The following CRISPLD2 variants were observed in gnomAD, a reference collection of about 807,000 sequenced individuals.
The protein encoded by CRISPLD2 is cysteine-rich secretory protein LCCL domain-containing 2.
A neutral mutation model predicts 71.1 loss-of-function variants in CRISPLD2; 47 were observed. The ratio of observed to expected loss-of-function variants is 0.66; its 90% CI spans 0.52 to 0.84. The LOEUF (loss-of-function observed/expected upper bound fraction) is 0.84, where lower values mean the gene tolerates loss of function less well. Ranked by LOEUF, CRISPLD2 falls within the 40% of genes least tolerant of loss-of-function variation. CRISPLD2 has a pLI of 0.00. For synonymous variants in CRISPLD2, 317 were observed against 250.1 expected (o/e 1.27, Z -2.52); for missense variants, 830 against 651.1 (o/e 1.27, Z -2.99).
rs138501094 is a variant in CRISPLD2 at position 84,907,208 on chromosome 16, C to T, written c.*566C>T. The T allele has an allele frequency of 9.6e-3, 1,580 of 165,316 alleles. 13 individuals carry two copies. Among genetic ancestry groups the T allele is most frequent in the Non-Finnish European group, 0.015 (1,183 of 76,534 alleles). The allele number at this position is 165,316 out of a possible 1,614,324, so 10.2% of individuals were successfully genotyped here. A position where few individuals can be genotyped will look rare whatever the true frequency, so the allele number is the denominator to read the frequency against. On this transcript the variant is annotated 3_prime_UTR_variant, in exon 15 of 15. Transcript: ENST00000262424. ...CAAATGGGCTAGAGTAAGAGGGCTGCGGGTATGAGAGACCCCGGCTCCGCC... is the reference window on the plus strand; with the variant it reads ...CAAATGGGCTAGAGTAAGAGGGCTGTGGGTATGAGAGACCCCGGCTCCGCC...
chr16:84,890,625 G>C (rs1248481370), intron 14 of CRISPLD2, among the ~76,000 whole-genome samples: 2 of 152,000 alleles, frequency 1.3e-5, no homozygotes, highest in African/African-American at 4.8e-5. Flanking sequence ...AAGTGGGCCG[G>C]GTGTGATGAC....
At chr16:84,824,017 GGGAGCTGGCAT>G (rs967884569) in intron 1 of CRISPLD2, among the ~76,000 whole-genome samples, 4 of 152,200 alleles carry the variant, frequency 2.6e-5, no homozygotes, top group African/African-American at 9.7e-5. Flanking sequence ...TCTAAGGACT[GGGAGCTGGCAT>G]GGAGCTGGCA....
chr16:84,900,077 C>G (rs2071740200), intron 14 of CRISPLD2, among the ~76,000 whole-genome samples: 1 of 152,108 alleles, frequency 6.6e-6, no homozygotes. Flanking sequence ...ACCCCAGCCC[C>G]TGGCCACTCT....
In CRISPLD2 at chr16:84,854,799, G is replaced by A. The variant is rs769352678; in HGVS notation, c.679G>A (p.Gly227Ser). 3.1e-6 allele frequency: 5 copies of A among 1,614,116 alleles called. No homozygotes were observed. The Admixed American group carries it at 5.0e-5, about 16-fold the overall frequency. The part of the protein sequence containing the change: ...PCSECPPSYG[G>S]SCRNNLCYRE... ...CTCTGAGTGCCCACCCAGCTATGGA[G>A]GCAGCTGCAGGAACAACTTGTGTTA... The change falls in exon 6 of 15, where the codon GGC becomes AGC. Residue 227 changes from glycine to serine, a missense_variant. Gly to Ser is a moderately conservative substitution (Grantham distance 56). Transcript: ENST00000262424.
At chr16:84,861,124 A>T (rs1021504889) in intron 6 of CRISPLD2, among the ~76,000 whole-genome samples, 1 of 152,186 alleles carries the variant, frequency 6.6e-6, no homozygotes, top group Non-Finnish European at 1.5e-5. Flanking sequence ...CAAATAGCTC[A>T]TGCCAAGGAC....
intron 6 of CRISPLD2, among the ~76,000 whole-genome samples, chr16:84,863,526 G>C (rs2143259328): frequency 6.6e-6 from 1 of 152,364 alleles, no homozygotes; most frequent in South Asian, 2.1e-4. Flanking sequence ...GAAGGCGCAG[G>C]CTTTGGGGAA....
Position 84,842,562 on chromosome 16 carries a change from C to T in CRISPLD2, c.241-3224C>T, listed in dbSNP as rs529811017. Among the ~76,000 whole-genome samples, 7 of 151,422 alleles carry T rather than the reference C, an allele frequency of 4.6e-5. No individual in the cohort carries two copies. The East Asian group carries it at 5.8e-4, about 13-fold the overall frequency. On this transcript the variant is annotated intron_variant, in intron 2 of 14. Transcript: ENST00000262424. Reference sequence around the variant, plus strand: ...CTAATTTTTGTATTTCTGGTAGAGGCGGGGTTTCACCACGTTGGCCAGGCT... The same window carrying T: ...CTAATTTTTGTATTTCTGGTAGAGGTGGGGTTTCACCACGTTGGCCAGGCT...
In CRISPLD2 at chr16:84,825,679, C is replaced by G. The variant is rs552954583; in HGVS notation, c.-75+5546C>G. ...GCTGAGGGAGGAGAACCGCTTGAGC[C>G]TGGGAGGCAGAGGCTGCAGTGAGCC... On this transcript the variant is annotated intron_variant, in intron 1 of 14. Coordinates refer to ENST00000262424, the MANE Select transcript of CRISPLD2 (RefSeq NM_031476.4). Among the ~76,000 whole-genome samples the G allele has an allele frequency of 7.9e-5, 12 of 152,200 alleles. No homozygotes were observed. The East Asian group carries it at 2.3e-3, about 29-fold the overall frequency.
chr16:84,832,139 T>A (rs11866719), intron 1 of CRISPLD2, among the ~76,000 whole-genome samples: 3,610 of 152,390 alleles, frequency 0.024, 112 homozygotes, highest in African/African-American at 0.074. Flanking sequence ...TCCAGCCTTC[T>A]AAAATCCCTT....
intron 6 of CRISPLD2, among the ~76,000 whole-genome samples, chr16:84,865,703 A>C (rs1917517813): frequency 6.6e-6 from 1 of 152,214 alleles, no homozygotes; most frequent in African/African-American, 2.4e-5. Flanking sequence ...CCGCTCAGGC[A>C]AATGAAAATA....
At chr16:84,846,473 C>T (rs1327126044) in intron 3 of CRISPLD2, among the ~76,000 whole-genome samples, 3 of 152,050 alleles carry the variant, frequency 2.0e-5, no homozygotes, top group East Asian at 1.9e-4. Context: ...AGGGTGGTCT[C>T]GAACTCCTGG....
chr16:84,892,302 A>T (rs1002432394), intron 14 of CRISPLD2, among the ~76,000 whole-genome samples: 1 of 152,208 alleles, frequency 6.6e-6, no homozygotes, highest in Non-Finnish European at 1.5e-5. Context: ...CCTCGGGGGC[A>T]TCGTGCTGCA....
chr16:84,839,352 A>C (rs1916711647), intron 2 of CRISPLD2: 1 of 235,358 alleles, frequency 4.2e-6, no homozygotes, highest in Non-Finnish European at 8.5e-6. Flanking sequence ...GGCTTTGCTG[A>C]TGCTGATCTC....
rs780093987 is a variant in CRISPLD2 at position 84,868,963 on chromosome 16, G to A, written c.914+52G>A. 8.6e-6 allele frequency: 13 copies of A among 1,503,240 alleles called. No individual in the cohort carries two copies. In the South Asian group the frequency reaches 1.3e-4, roughly 15 times the overall value. The allele number at this position is 1,503,240 out of a possible 1,614,324, so 93.1% of individuals were successfully genotyped here. A position where few individuals can be genotyped will look rare whatever the true frequency, so the allele number is the denominator to read the frequency against. ...ACTGTAGCCTCTGAGTCTGTGCTGGGCTGTCCTACCACTGTGGCCTCTGGG... is the reference window on the plus strand; with the variant it reads ...ACTGTAGCCTCTGAGTCTGTGCTGGACTGTCCTACCACTGTGGCCTCTGGG... On this transcript the variant is annotated intron_variant, in intron 8 of 14. Transcript: ENST00000262424.
chr16:84,877,410 AC>A (rs746672164), intron 11 of CRISPLD2, 27 bp from the exon 12 acceptor site: 1 of 1,610,270 alleles, frequency 6.2e-7, no homozygotes, highest in South Asian at 1.1e-5. Context: ...CTGGGACCTG[AC>A]CCTTTCCCCC....
At chr16:84,892,591 A>G (rs1046088829) in intron 14 of CRISPLD2, among the ~76,000 whole-genome samples, 1 of 152,136 alleles carries the variant, frequency 6.6e-6, no homozygotes, top group Non-Finnish European at 1.5e-5. Context: ...AAATGGGCTT[A>G]TCCTGAGCCC....
chr16:84,896,275 G>C (rs371560638), intron 14 of CRISPLD2, among the ~76,000 whole-genome samples: 88 of 151,778 alleles, frequency 5.8e-4, no homozygotes, highest in Non-Finnish European at 1.8e-4. Context: ...TCTCGAATTC[G>C]TGACCTCAAG....
chr16:84,893,838 A>T (rs2071683169), intron 14 of CRISPLD2, among the ~76,000 whole-genome samples: 1 of 152,184 alleles, frequency 6.6e-6, no homozygotes, highest in South Asian at 2.1e-4. Flanking sequence ...CTTATTCCCA[A>T]TAGGGGCTGT....
intron 13 of CRISPLD2, among the ~76,000 whole-genome samples, chr16:84,886,968 T>G (rs1369691983): frequency 6.6e-6 from 1 of 152,244 alleles, no homozygotes; most frequent in Non-Finnish European, 1.5e-5. Flanking sequence ...GAACTGCAAC[T>G]TCCCGCTTCC....
Sources: gnomAD v4.1 joint callset for allele counts (sites outside exome capture counted in the v4.1 genomes callset) on GRCh38, gnomAD v4.1.1 for gene constraint, MANE v1.5 for transcripts, NCBI Gene and HGNC (gene_info 2026-07-23, HGNC 2026-07-21) for gene names.